CEP131: variants seen among roughly 807,000 people sequenced by gnomAD.
The protein encoded by CEP131 is centrosomal protein of 131 kDa.
CEP131 carries 99 observed loss-of-function variants against 136.8 expected under a neutral mutation model. The observed-to-expected ratio is 0.72, with a 90% CI of 0.62 to 0.86. The LOEUF (loss-of-function observed/expected upper bound fraction) is 0.86. Ranked by LOEUF, CEP131 falls within the 40% of genes least tolerant of loss-of-function variation. The pLI is 0.00. For missense variants in CEP131, 1,459 were observed against 1,463.0 expected, an observed-to-expected ratio of 1.00 and a Z score of 0.04; for synonymous variants, 646 against 612.7, an observed-to-expected ratio of 1.05 and a Z score of -0.80.
rs980056080 is a variant in CEP131 at position 81,197,169 on chromosome 17, G to T, written c.1648-114C>A. 15 of 1,406,698 alleles carry T rather than the reference G, an allele frequency of 1.1e-5. No homozygotes were observed. In the East Asian group the frequency reaches 3.0e-4, roughly 28 times the overall value. 87.1% of individuals were successfully genotyped at this position (1,406,698 alleles called of 1,614,324 possible). A position where few individuals can be genotyped will look rare whatever the true frequency, so the allele number is the denominator to read the frequency against. On this transcript the variant is annotated intron_variant, in intron 13 of 25. Coordinates refer to ENST00000450824, the MANE Select transcript of CEP131 (RefSeq NM_014984.4). ...TGGGGACAGAGGGGCTGCTGCACAC[G>T]GGAGCCCGTGGGAAGCCGGAGGGCA...
At chr17:81,214,969 GGGT>G (rs2062214535) in intron 2 of CEP131, among the ~76,000 whole-genome samples, 1 of 151,782 alleles carries the variant, frequency 6.6e-6, no homozygotes, top group Non-Finnish European at 1.5e-5. Flanking sequence ...AGTAGAGATG[GGGT>G]TTCACCGTGT....
Position 81,198,247 on chromosome 17 carries a change from CG to C in CEP131, c.1337del (p.Pro446ArgfsTer52). The C allele has an allele frequency of 6.2e-7, 1 of 1,603,694 alleles. No homozygotes were observed. Among genetic ancestry groups the C allele is most frequent in the Non-Finnish European group, 8.5e-7 (1 of 1,175,340 alleles). On this transcript the variant is annotated frameshift_variant, in exon 12 of 26. Coordinates refer to ENST00000450824, the MANE Select transcript of CEP131 (RefSeq NM_014984.4). LOFTEE classifies it high-confidence loss of function. ...AAGDNLEMMAPSRGSAKSRGP... is the reference protein window; with the variant it reads ...AAGDNLEMMAXSRGSAKSRGP... Reference sequence around the variant, plus strand: ...CCCTGGACTTGGCGCTCCCCCTGCTCGGGGCCATCATCTCCAGGTTGTCCCC... The same window carrying C: ...CCCTGGACTTGGCGCTCCCCCTGCTCGGGCCATCATCTCCAGGTTGTCCCC...
chr17:81,192,481 G>T lies in CEP131; in HGVS notation c.2542C>A (p.His848Asn). The change falls in exon 20 of 26, where the codon CAC (histidine) becomes AAC (asparagine). Residue 848 changes from histidine (H) to asparagine (N), a missense_variant. His to Asn is a moderately conservative substitution (Grantham distance 68). This residue lies in a region of CEP131 where 1,026 missense variants were observed against 964.2 expected (regional missense o/e 1.06). Coordinates refer to ENST00000450824, the MANE Select transcript of CEP131 (RefSeq NM_014984.4). ...EKGREEQERR[H>N]QMELNTLKQQ... Reference sequence around the variant, plus strand: ...ACAGCCCTCCGGTGGTAGACCTGGTGCCGGCGCTCCTGCTCCTCCCTGCCC... The same window carrying T: ...ACAGCCCTCCGGTGGTAGACCTGGTTCCGGCGCTCCTGCTCCTCCCTGCCC... 1 of 1,611,854 alleles carries T rather than the reference G, an allele frequency of 6.2e-7. No individual in the cohort carries two copies. Among genetic ancestry groups the T allele is most frequent in the Non-Finnish European group, 8.5e-7 (1 of 1,179,794 alleles).
chr17:81,189,891 G>A (rs201474028), intron 25 of CEP131, 24 bp downstream of exon 25: 2 of 1,612,670 alleles, frequency 1.2e-6, no homozygotes, highest in Middle Eastern at 1.7e-4. Context: ...CCGAGGTCCA[G>A]CAGGGCTGGC....
rs918985868 is a variant in CEP131 at position 81,203,706 on chromosome 17, G to A, written c.516-99C>T. The stretch of plus-strand genomic sequence containing the variant: ...CAGCACGGGCTGGGAGGGAACAAAG[G>A]CCTTCAGTGCTTGCTACGTGCTGGC... On this transcript the variant is annotated intron_variant, in intron 5 of 25. Coordinates refer to ENST00000450824, the MANE Select transcript of CEP131 (RefSeq NM_014984.4). This position sits in a 1 kb window ranked among gnomAD's most constrained non-coding sequence, Gnocchi z 4.6. 2 of 877,650 alleles carry A rather than the reference G, an allele frequency of 2.3e-6. No homozygotes were observed. The highest frequency in any genetic ancestry group is 3.5e-6 in the Non-Finnish European group (2 of 566,604). The allele number at this position is 877,650 out of a possible 1,614,324, so 54.4% of individuals were successfully genotyped here.
At chr17:81,197,449 G>A in intron 13 of CEP131, 1 of 565,910 alleles carries the variant, frequency 1.8e-6, no homozygotes, top group Non-Finnish European at 3.1e-6. Flanking sequence ...GCAGCTCGGG[G>A]CAGCGGGTAG....
In CEP131 at chr17:81,203,126, G is replaced by A. The variant is rs1044788806; in HGVS notation, c.629+368C>T. The stretch of plus-strand genomic sequence containing the variant: ...CCGCTCGGTCCACCCCCGCTGTGAC[G>A]CCTTCTGGGCTCTGCACAAGCCTTG... On this transcript the variant is annotated intron_variant, in intron 6 of 25. Coordinates refer to ENST00000450824, the MANE Select transcript of CEP131 (RefSeq NM_014984.4). The surrounding 1 kb of genome is among the most constrained non-coding windows in gnomAD (Gnocchi z 4.6). Among the ~76,000 whole-genome samples the A allele has an allele frequency of 6.6e-6, 1 of 152,142 alleles. No homozygotes were observed. The highest frequency in any genetic ancestry group is 1.5e-5 in the Non-Finnish European group (1 of 68,024).
chr17:81,200,554 A>C (rs1225400802), intron 7 of CEP131, 108 bp from the exon 8 acceptor site: 1 of 808,618 alleles, frequency 1.2e-6, no homozygotes, highest in African/African-American at 1.8e-5. Context: ...CGGCGGCTGC[A>C]CTCAAGTAGC....
chr17:81,193,660 A>G (rs2061690485), intron 18 of CEP131, among the ~76,000 whole-genome samples: 3 of 152,296 alleles, frequency 2.0e-5, no homozygotes, highest in Admixed American at 1.3e-4. Context: ...GGGGGTTCCC[A>G]GCCCTGACCC....
At chr17:81,196,563 G>C in intron 15 of CEP131, 138 bp downstream of exon 15, 2 of 1,327,300 alleles carry the variant, frequency 1.5e-6, no homozygotes, top group African/African-American at 1.5e-5. Context: ...CATGGGAAAG[G>C]CTTGGAATGC....
At chr17:81,192,685 G>GGGGGGGGGGGGGGGGGCCCCC in intron 19 of CEP131, 51 bp downstream of exon 19, 1 of 478,426 alleles carries the variant, frequency 2.1e-6, no homozygotes, top group Non-Finnish European at 4.1e-6. Flanking sequence ...GGGGGGAGGG[G>GGGGGGGGGGGGGGGGGCCCCC]TCAGCCAGCG....
intron 1 of CEP131, among the ~76,000 whole-genome samples, chr17:81,220,415 C>T (rs780750672): frequency 3.3e-5 from 5 of 152,222 alleles, no homozygotes; most frequent in Admixed American, 1.3e-4. Context: ...CTGCCATCTA[C>T]CCCACACCGT....
At chr17:81,192,685 G>GGGGGGGGGGGGGGGCCCC in intron 19 of CEP131, 51 bp downstream of exon 19, 3 of 478,418 alleles carry the variant, frequency 6.3e-6, no homozygotes, top group Non-Finnish European at 1.2e-5. Flanking sequence ...GGGGGGAGGG[G>GGGGGGGGGGGGGGGCCCC]TCAGCCAGCG....
chr17:81,215,681 G>A lies in CEP131; in HGVS notation c.177+4199C>T, dbSNP rs1006657321. On this transcript the variant is annotated intron_variant, in intron 2 of 25. Transcript: ENST00000450824. The surrounding 1 kb of genome is among the most constrained non-coding windows in gnomAD (Gnocchi z 4.1). ...CCCACCTCGGCGTCCCAAAGTGCTG[G>A]GATTACAGGCACGGGCCACCGCACC... Among the ~76,000 whole-genome samples the A allele has an allele frequency of 5.3e-5, 8 of 152,070 alleles. No individual in the cohort carries two copies. Among genetic ancestry groups the A allele is most frequent in the Non-Finnish European group, 1.0e-4 (7 of 68,012 alleles).
At chr17:81,199,598 A>G (rs906176) in intron 9 of CEP131, 49 bp from the exon 10 acceptor site, 732,766 of 1,587,574 alleles carry the variant, frequency 0.46, 174,951 homozygotes, top group Admixed American at 0.65. Context: ...GGACGACCCC[A>G]GGCTCCACAG....
chr17:81,205,658 G>A (rs1468503482), intron 5 of CEP131, among the ~76,000 whole-genome samples: 1 of 152,050 alleles, frequency 6.6e-6, no homozygotes, highest in Non-Finnish European at 1.5e-5. Flanking sequence ...GGGCTTTTGG[G>A]GAGGTCAAGG....
intron 2 of CEP131, among the ~76,000 whole-genome samples, chr17:81,211,048 C>T (rs141340162): frequency 1.6e-4 from 24 of 152,290 alleles, no homozygotes; most frequent in Admixed American, 3.9e-4. Context: ...CCCACGAGCG[C>T]GTGGGCGCCA....
chr17:81,197,302 G>C (rs1404339287), intron 13 of CEP131: 1 of 582,140 alleles, frequency 1.7e-6, no homozygotes, highest in South Asian at 2.2e-5. Flanking sequence ...ATGCTGCCCA[G>C]CTTCCTGCCC....
rs1413786293 is a variant in CEP131, at chr17:81,219,385, C to G, written c.177+495G>C. Among the ~76,000 whole-genome samples the G allele has an allele frequency of 6.6e-6, 1 of 151,828 alleles. No homozygotes were observed. The highest frequency in any genetic ancestry group is 2.4e-5 in the African/African-American group (1 of 41,322). On this transcript the variant is annotated intron_variant, in intron 2 of 25. Transcript: ENST00000450824. This position sits in a 1 kb window ranked among gnomAD's most constrained non-coding sequence, Gnocchi z 4.0. ...CTCGGCTCACCGCAACCTCTGCCTC[C>G]TGGGTTCGAGCAAATCTCCTGCCTC...
Sources: allele counts gnomAD v4.1 joint callset (sites outside exome capture counted in the v4.1 genomes callset), GRCh38; gene constraint gnomAD v4.1.1; regional missense constraint gnomAD v4.1.1; non-coding constraint Gnocchi (gnomAD v3.1); transcripts MANE v1.5; gene names NCBI Gene and HGNC (gene_info 2026-07-23, HGNC 2026-07-21).